EPHB1: variants seen among roughly 807,000 people sequenced by gnomAD.
EPHB1 encodes ephrin type-B receptor 1.
A neutral mutation model predicts 94.4 loss-of-function variants in EPHB1; 30 were observed. That is an observed-to-expected ratio of 0.32 (90% CI 0.24 to 0.43). The LOEUF (loss-of-function observed/expected upper bound fraction) is 0.43, where lower values mean the gene tolerates loss of function less well. Among genes scored for constraint, EPHB1 ranks in the 20% least tolerant of loss-of-function variants. EPHB1 has a pLI of 1.00. For synonymous variants in EPHB1, 522 were observed against 489.1 expected, an observed-to-expected ratio of 1.07 and a Z score of -0.89; for missense variants, 1,055 against 1,308.3, an observed-to-expected ratio of 0.81 and a Z score of 2.99.
At chr3:134,810,199 T>A (rs2108285626) in intron 1 of EPHB1, among the ~76,000 whole-genome samples, 1 of 152,306 alleles carries the variant, frequency 6.6e-6, no homozygotes, top group Non-Finnish European at 1.5e-5. Context: ...CAAATATGTA[T>A]ATCACCTGGT....
rs192901742 is a variant in EPHB1 at position 134,906,910 on chromosome 3, T to C, written c.59-18906T>C. Among the ~76,000 whole-genome samples the C allele has an allele frequency of 6.6e-5, 10 of 152,336 alleles. 1 individual carries two copies. The highest frequency in any genetic ancestry group is 5.2e-4 in the Admixed American group (8 of 15,304). On this transcript the variant is annotated intron_variant, in intron 1 of 15. Coordinates refer to ENST00000398015, the MANE Select transcript of EPHB1 (RefSeq NM_004441.5). ...GTTGTGTTCAGTTTGTGTAATGAGATCTCAAACAGTAGGGCCAATGCTTGT... is the reference window on the plus strand; with the variant it reads ...GTTGTGTTCAGTTTGTGTAATGAGACCTCAAACAGTAGGGCCAATGCTTGT...
At chr3:134,882,451 C>T (rs557053644) in intron 1 of EPHB1, among the ~76,000 whole-genome samples, 1 of 152,260 alleles carries the variant, frequency 6.6e-6, no homozygotes, top group East Asian at 1.9e-4. Context: ...TCTTTTCTCT[C>T]AGGACCAGAA....
intron 5 of EPHB1, among the ~76,000 whole-genome samples, chr3:135,144,629 A>G (rs920042384): frequency 2.0e-5 from 3 of 152,164 alleles, no homozygotes; most frequent in African/African-American, 7.2e-5. Flanking sequence ...CAGATCAGCC[A>G]CCAACCCTCA....
chr3:135,028,167 A>T (rs1206522311), intron 3 of EPHB1, among the ~76,000 whole-genome samples: 1 of 147,210 alleles, frequency 6.8e-6, no homozygotes, highest in Non-Finnish European at 1.5e-5. Flanking sequence ...GATCCTTTCA[A>T]AAAACCAGCT....
intron 15 of EPHB1, among the ~76,000 whole-genome samples, chr3:135,257,908 T>A (rs1222011989): frequency 6.6e-6 from 1 of 152,136 alleles, no homozygotes; most frequent in African/African-American, 2.4e-5. Flanking sequence ...TGGGATATAA[T>A]CTCGTGGTGC....
At position 135,248,354 on chromosome 3, in the gene EPHB1, A is replaced by C. The variant is rs763721857; in HGVS notation, c.2535A>C (p.Pro845=). ...TCGAGCAGGACTACCGGCTGCCCCC[A>C]CCCATGGACTGTCCAGCTGCTCTAC... ...NAIEQDYRLP[P]PMDCPAALHQ... Residue 845 remains proline (P), a synonymous_variant, in exon 14 of 16, where the codon CCA becomes CCC. Transcript: ENST00000398015. The C allele has an allele frequency of 6.3e-7, 1 of 1,598,426 alleles. No homozygotes were observed. The highest frequency in any genetic ancestry group is 8.6e-7 in the Non-Finnish European group (1 of 1,168,354).
At chr3:135,031,457 A>G (rs551540247) in intron 3 of EPHB1, among the ~76,000 whole-genome samples, 83 of 152,212 alleles carry the variant, frequency 5.5e-4, no homozygotes, top group African/African-American at 1.9e-3. Flanking sequence ...CTGGAGGTAT[A>G]CACCACCATG....
intron 3 of EPHB1, among the ~76,000 whole-genome samples, chr3:135,038,134 A>G (rs1435991562): frequency 2.0e-5 from 3 of 152,210 alleles, no homozygotes; most frequent in Non-Finnish European, 2.9e-5. Flanking sequence ...GAACAGTCCA[A>G]GCTCCACTGG....
chr3:134,963,941 A>T (rs1300313392), intron 3 of EPHB1, among the ~76,000 whole-genome samples: 2 of 152,202 alleles, frequency 1.3e-5, no homozygotes, highest in Non-Finnish European at 2.9e-5. Flanking sequence ...CACCAGTGAG[A>T]GTGAACTGAA....
chr3:135,108,724 C>T (rs375294904), intron 4 of EPHB1, among the ~76,000 whole-genome samples: 1 of 152,146 alleles, frequency 6.6e-6, no homozygotes, highest in African/African-American at 2.4e-5. Flanking sequence ...TTTCTCTCCC[C>T]CCTTCACTTC....
intron 3 of EPHB1, among the ~76,000 whole-genome samples, chr3:135,054,535 C>A (rs769631180): frequency 1.3e-5 from 2 of 152,142 alleles, no homozygotes; most frequent in Middle Eastern, 3.2e-3. Flanking sequence ...GTGAAGGAGG[C>A]AACTGTCCAG....
intron 1 of EPHB1, among the ~76,000 whole-genome samples, chr3:134,849,562 G>A (rs1015351039): frequency 6.6e-6 from 1 of 152,196 alleles, no homozygotes; most frequent in African/African-American, 2.4e-5. Flanking sequence ...AGGTGGACTG[G>A]CACGTGGAGC....
chr3:135,204,908 G>A (rs1274570912), intron 12 of EPHB1, among the ~76,000 whole-genome samples: 2 of 30,480 alleles, frequency 6.6e-5, no homozygotes, highest in Admixed American at 6.7e-4. Context: ...TTTTTTTTTT[G>A]GTATTTAACC....
chr3:134,936,404 G>A (rs1000357344), intron 2 of EPHB1, among the ~76,000 whole-genome samples: 5 of 152,106 alleles, frequency 3.3e-5, no homozygotes, highest in Non-Finnish European at 5.9e-5. Flanking sequence ...GTGTATGTCC[G>A]GCTCCGGGCA....
At chr3:134,826,475 C>T (rs893289565) in intron 1 of EPHB1, among the ~76,000 whole-genome samples, 1 of 152,052 alleles carries the variant, frequency 6.6e-6, no homozygotes, top group African/African-American at 2.4e-5. Flanking sequence ...TTGCTGTGTC[C>T]TTCATTTGCC....
At chr3:134,986,744 A>ACACACACACACC (rs1553718460) in intron 3 of EPHB1, among the ~76,000 whole-genome samples, 1 of 151,184 alleles carries the variant, frequency 6.6e-6, no homozygotes, top group African/African-American at 2.4e-5. Context: ...ACACACACAC[A>ACACACACACACC]TCCCAAACAA....
chr3:135,209,637 T>C (rs773569402), intron 12 of EPHB1, among the ~76,000 whole-genome samples: 27 of 152,188 alleles, frequency 1.8e-4, no homozygotes, highest in Non-Finnish European at 3.5e-4. Context: ...TTGAGGGGCA[T>C]GATACTGGGT....
intron 7 of EPHB1, among the ~76,000 whole-genome samples, chr3:135,163,845 G>A (rs1941578327): frequency 6.6e-6 from 1 of 152,180 alleles, no homozygotes; most frequent in Admixed American, 6.5e-5. Context: ...TTCACACATG[G>A]GTACGGATTA....
chr3:134,847,359 G>A (rs1332731152), intron 1 of EPHB1, among the ~76,000 whole-genome samples: 1 of 152,216 alleles, frequency 6.6e-6, no homozygotes, highest in Non-Finnish European at 1.5e-5. Flanking sequence ...TATTAGTTGT[G>A]TGTTTGGCAC....
Sources: gnomAD v4.1 joint callset for allele counts (sites outside exome capture counted in the v4.1 genomes callset) on GRCh38, gnomAD v4.1.1 for gene constraint, MANE v1.5 for transcripts, NCBI Gene and HGNC (gene_info 2026-07-23, HGNC 2026-07-21) for gene names.